STK3: variants seen among roughly 807,000 people sequenced by gnomAD.
STK3 encodes the protein serine/threonine-protein kinase 3.
In STK3, 41 loss-of-function variants were observed where a neutral mutation model predicts 58.0. The ratio of observed to expected loss-of-function variants is 0.71; its 90% CI spans 0.55 to 0.92. STK3 has a LOEUF of 0.92. Among genes scored for constraint, STK3 ranks in the 40% least tolerant of loss-of-function variants. STK3 has a pLI of 0.00. For missense variants in STK3, 479 were observed against 602.7 expected (o/e 0.79, Z 2.15); for synonymous variants, 170 against 191.0 (o/e 0.89, Z 0.91).
chr8:98,826,294 TTA>T (rs1835301914), upstream of STK3, among the ~76,000 whole-genome samples: 1 of 152,236 alleles, frequency 6.6e-6, no homozygotes, highest in African/African-American at 2.4e-5. Flanking sequence ...TAATTATCGG[TTA>T]TGTTTTCCCC....
In STK3 at chr8:98,824,659, C is replaced by T. The variant is rs370218063; in HGVS notation, c.26+856G>A. Among the ~76,000 whole-genome samples the T allele has an allele frequency of 1.4e-4, 22 of 152,250 alleles. No homozygotes were observed. The East Asian group carries it at 3.3e-3, about 23-fold the overall frequency. On this transcript the variant is annotated intron_variant, in intron 1 of 10. Transcript: ENST00000419617. ...CTTCCAGGCTTCAAGGCTCACATGT[C>T]TAGTCACACAATTCACAATAGCTCC... is the stretch of plus-strand genomic sequence containing the variant.
chr8:98,795,022 C>A (rs1020418793), intron 1 of STK3, among the ~76,000 whole-genome samples: 1 of 137,880 alleles, frequency 7.3e-6, no homozygotes, highest in Admixed American at 8.0e-5. Context: ...GAGACGAGAT[C>A]GCGCCATTGC....
chr8:98,494,654 CAAAAA>C (rs398008984), intron 10 of STK3, among the ~76,000 whole-genome samples: 1 of 40,458 alleles, frequency 2.5e-5, no homozygotes, highest in Non-Finnish European at 4.3e-5. Flanking sequence ...GACCCTGTCT[CAAAAA>C]AAAAAAAAAA....
At chr8:98,629,595 A>T (rs1181843865) in intron 6 of STK3, among the ~76,000 whole-genome samples, 1 of 152,230 alleles carries the variant, frequency 6.6e-6, no homozygotes, top group Admixed American at 6.5e-5. Flanking sequence ...GGAAACAAAG[A>T]TAAAAACTAA....
At chr8:98,828,437 C>CAAAA (rs367737626), upstream of STK3, among the ~76,000 whole-genome samples, 77 of 48,590 alleles carry the variant, frequency 1.6e-3, no homozygotes, top group East Asian at 2.6e-3. Flanking sequence ...CCCATCTCTA[C>CAAAA]AAAAAAAAAA....
At chr8:98,908,643 G>C (rs1333319619) in intron 1 of STK3, among the ~76,000 whole-genome samples, 1 of 152,016 alleles carries the variant, frequency 6.6e-6, no homozygotes, top group East Asian at 1.9e-4. Context: ...GTCAGTTCAA[G>C]ACCAGACTGG....
At chr8:98,409,491 C>T (rs562100777) in intron 3 of STK3, among the ~76,000 whole-genome samples, 39 of 152,342 alleles carry the variant, frequency 2.6e-4, no homozygotes, top group African/African-American at 8.9e-4. Context: ...TGCTGTCTGG[C>T]CAGCAAAGGC....
Position 98,711,938 on chromosome 8 carries a change from G to A in STK3, c.352-4627C>T, listed in dbSNP as rs189462291. On this transcript the variant is annotated intron_variant, in intron 4 of 10. Coordinates refer to ENST00000419617, the MANE Select transcript of STK3 (RefSeq NM_006281.4). ...CCATCAGACTGACAGCTGATCTCTCGGCAGAAACTCTACAAGCCAGAAGAC... is the reference window on the plus strand; with the variant it reads ...CCATCAGACTGACAGCTGATCTCTCAGCAGAAACTCTACAAGCCAGAAGAC... Among the ~76,000 whole-genome samples, 41 of 152,232 alleles carry A rather than the reference G, an allele frequency of 2.7e-4. No individual in the cohort carries two copies. In the East Asian group the frequency reaches 5.2e-3, roughly 19 times the overall value.
chr8:98,490,415 A>G (rs1299192746), intron 10 of STK3, among the ~76,000 whole-genome samples: 2 of 152,180 alleles, frequency 1.3e-5, no homozygotes, highest in African/African-American at 4.8e-5. Flanking sequence ...AACTTTCAAA[A>G]CAATATTAAA....
In STK3 at chr8:98,760,017, G is replaced by GT. The variant is rs563477517; in HGVS notation, c.236+7225dup. On this transcript the variant is annotated intron_variant, in intron 3 of 10. Coordinates refer to ENST00000419617, the MANE Select transcript of STK3 (RefSeq NM_006281.4). ...TCCAAATAATTGTTATACTGCATTG[G>GT]TTTTTTTTTTTATTGTTTTTTTCTA... is the stretch of plus-strand genomic sequence containing the variant. Among the ~76,000 whole-genome samples, 736 of 146,038 alleles carry GT rather than the reference G, an allele frequency of 5.0e-3. 3 individuals carry two copies. The highest frequency in any genetic ancestry group is 7.7e-3 in the Non-Finnish European group (507 of 65,936).
intron 1 of STK3, among the ~76,000 whole-genome samples, chr8:98,823,228 A>T (rs1174774430): frequency 2.6e-5 from 4 of 152,226 alleles, no homozygotes; most frequent in South Asian, 2.1e-4. Flanking sequence ...CTGAAAAAAT[A>T]AAAAATGCCA....
At chr8:98,587,044 A>G (rs1441584844) in intron 7 of STK3, among the ~76,000 whole-genome samples, 1 of 151,262 alleles carries the variant, frequency 6.6e-6, no homozygotes, top group African/African-American at 2.4e-5. Flanking sequence ...CTTTCAAAAA[A>G]CCAGCTCCTG....
chr8:98,648,978 A>C (rs889041294), intron 6 of STK3, among the ~76,000 whole-genome samples: 8 of 151,566 alleles, frequency 5.3e-5, no homozygotes, highest in African/African-American at 1.7e-4. Flanking sequence ...AATCACTTGA[A>C]GCCAGGAGGC....
At chr8:98,449,658 T>C (rs1416528878), downstream of STK3, among the ~76,000 whole-genome samples, 3 of 152,204 alleles carry the variant, frequency 2.0e-5, no homozygotes, top group Non-Finnish European at 4.4e-5. Context: ...AAGTTTAGCA[T>C]AACATAATGT....
chr8:98,358,451 C>T, the STK3 span, among the ~76,000 whole-genome samples: 1 of 152,130 alleles, frequency 6.6e-6, no homozygotes, highest in Non-Finnish European at 1.5e-5. Context: ...TGGGGAGCCA[C>T]GGAGGATTCT....
intron 7 of STK3, among the ~76,000 whole-genome samples, chr8:98,592,020 T>G (rs1011111827): frequency 6.6e-6 from 1 of 152,236 alleles, no homozygotes; most frequent in Admixed American, 6.5e-5. Context: ...GGCAACTATT[T>G]TTTTAAACTC....
chr8:98,615,162 C>T (rs1182093726), intron 6 of STK3, among the ~76,000 whole-genome samples: 7 of 151,652 alleles, frequency 4.6e-5, no homozygotes, highest in Non-Finnish European at 8.8e-5. Context: ...CCCTGACCCC[C>T]GAGCAGCCTA....
intron 1 of STK3, among the ~76,000 whole-genome samples, chr8:98,940,660 C>A (rs1350297836): frequency 1.3e-5 from 2 of 152,220 alleles, no homozygotes; most frequent in African/African-American, 4.8e-5. Context: ...CCTGGGAAAC[C>A]CCTCTGCATC....
At chr8:98,766,245 C>T (rs1830939762) in intron 3 of STK3, among the ~76,000 whole-genome samples, 1 of 152,098 alleles carries the variant, frequency 6.6e-6, no homozygotes, top group South Asian at 2.1e-4. Flanking sequence ...ACTACTGACC[C>T]CTCAAAAAGA....
Sources: allele counts gnomAD v4.1 joint callset (sites outside exome capture counted in the v4.1 genomes callset), GRCh38; gene constraint gnomAD v4.1.1; transcripts MANE v1.5; gene names NCBI Gene and HGNC (gene_info 2026-07-23, HGNC 2026-07-21).